Variants in PRH1 observed in about 807,000 individuals in gnomAD.
PRH1 encodes the protein salivary acidic proline-rich phosphoprotein 1/2.
In PRH1, 7 loss-of-function variants were observed where a neutral mutation model predicts 7.9. That is an observed-to-expected ratio of 0.89 (90% CI 0.50 to 1.67). The LOEUF (loss-of-function observed/expected upper bound fraction) is 1.67. Ranked by LOEUF, PRH1 falls within the 40% of genes most tolerant of loss-of-function variation. The pLI is 0.00. For synonymous variants in PRH1, 45 were observed against 80.8 expected, an observed-to-expected ratio of 0.56 and a Z score of 2.38; for missense variants, 109 against 223.6, an observed-to-expected ratio of 0.49 and a Z score of 3.27.
At chr12:11,139,323 C>G (rs1288193319) in intron 1 of PRH1, among the ~76,000 whole-genome samples, 1 of 152,132 alleles carries the variant, frequency 6.6e-6, no homozygotes, top group Admixed American at 6.5e-5. Context: ...TGCCAGCAAT[C>G]CAGATACTCC....
At chr12:11,006,533 C>T (rs776172514) in intron 1 of PRH1, among the ~76,000 whole-genome samples, 5 of 151,862 alleles carry the variant, frequency 3.3e-5, no homozygotes, top group African/African-American at 7.3e-5. Context: ...CAGGCATGCA[C>T]CACCAAGCCT....
At chr12:11,064,290 G>T (rs1943724140) in intron 1 of PRH1, among the ~76,000 whole-genome samples, 1 of 152,174 alleles carries the variant, frequency 6.6e-6, no homozygotes, top group African/African-American at 2.4e-5. Context: ...CTTCTTGTTT[G>T]TGGCTTCTTG....
Position 11,168,285 on chromosome 12 carries a change from AAAG to A in PRH1, n.39+3134_39+3136del, listed in dbSNP as rs1565725769. 6.5e-3 allele frequency among the ~76,000 whole-genome samples: 273 copies of A among 41,698 alleles called. 52 individuals carry two copies. Among genetic ancestry groups the A allele is most frequent in the African/African-American group, 9.4e-3 (110 of 11,744 alleles). The allele number at this position is 41,698 out of a possible 152,430, so 27.4% of individuals were successfully genotyped here. A position where few individuals can be genotyped will look rare whatever the true frequency, so the allele number is the denominator to read the frequency against. ...GAAAGAAAGAAAGAAAGAAAGAAAGAAAGAAAGAAAGAAAGAAGGAAGGAAGGA... is the reference window on the plus strand; with the variant it reads ...GAAAGAAAGAAAGAAAGAAAGAAAGAAAAGAAAGAAAGAAGGAAGGAAGGA... On this transcript the variant is annotated intron_variant and non_coding_transcript_variant, in intron 1 of 1. Transcript: ENST00000541175.
At position 11,012,427 on chromosome 12, in the gene PRH1, C is replaced by G. The variant is rs551869792; in HGVS notation, c.-126+34593G>C. ...AGATGATAATAATACTCTGGGTAGT[C>G]CTTATGAGGTGCTAGTATAGTATAT... On this transcript the variant is annotated intron_variant, in intron 1 of 3. Coordinates refer to the PRH1 transcript ENST00000539853. Among the ~76,000 whole-genome samples the G allele has an allele frequency of 5.3e-5, 8 of 152,118 alleles. No homozygotes were observed. The South Asian group carries it at 1.7e-3, about 31-fold the overall frequency.
At chr12:11,131,936 G>T (rs1288843538) in intron 1 of PRH1, among the ~76,000 whole-genome samples, 1 of 152,122 alleles carries the variant, frequency 6.6e-6, no homozygotes, top group African/African-American at 2.4e-5. Flanking sequence ...CTTGTGCTGG[G>T]TTCTAGGTCC....
At chr12:11,032,401 T>G (rs375249126) in intron 1 of PRH1, among the ~76,000 whole-genome samples, 13 of 152,364 alleles carry the variant, frequency 8.5e-5, no homozygotes, top group African/African-American at 2.9e-4. Flanking sequence ...ATCTCAGATT[T>G]TCTTGAGAAC....
rs751801433 is a variant in PRH1 at position 11,030,496 on chromosome 12, A to C, written c.-126+16524T>G. 1.1e-4 allele frequency: 170 copies of C among 1,614,158 alleles called. No individual in the cohort carries two copies. Among genetic ancestry groups the C allele is most frequent in the Non-Finnish European group, 1.3e-4 (155 of 1,180,050 alleles). On this transcript the variant is annotated intron_variant, in intron 1 of 3. Coordinates refer to the PRH1 transcript ENST00000539853. The stretch of plus-strand genomic sequence containing the variant: ...TCTGCTTTAGCTTCTTGTTTCCCCA[A>C]ATCAGGATGAATGGGTGGATTGAAG...
At chr12:10,918,572 AC>A (rs1950004812) in intron 2 of PRH1, among the ~76,000 whole-genome samples, 1 of 152,240 alleles carries the variant, frequency 6.6e-6, no homozygotes, top group Admixed American at 6.5e-5. Context: ...ATCTATATAA[AC>A]ATTTAAGACT....
Position 11,090,297 on chromosome 12 carries a change from T to C in PRH1, n.124-43109A>G, listed in dbSNP as rs145982706. ...AATATTTTCCACAATTTCTATACTA[T>C]ATTTACATTGATTTTATTTTTCAAA... On this transcript the variant is annotated intron_variant and non_coding_transcript_variant, in intron 1 of 4. Coordinates refer to the PRH1 transcript ENST00000541977. Among the ~76,000 whole-genome samples, 2 of 116,348 alleles carry C rather than the reference T, an allele frequency of 1.7e-5. 1 individual carries two copies. The highest frequency in any genetic ancestry group is 4.1e-5 in the Non-Finnish European group (2 of 49,090). 76.3% of individuals were successfully genotyped at this position (116,348 alleles called of 152,430 possible).
chr12:10,997,145 C>T (rs1391972546), intron 1 of PRH1: 1 of 1,613,910 alleles, frequency 6.2e-7, no homozygotes, highest in African/African-American at 1.3e-5. Context: ...TATGATTAGA[C>T]ACAGAAAGTA....
At chr12:10,945,338 CTAAG>C (rs1950469942) in intron 2 of PRH1, among the ~76,000 whole-genome samples, 1 of 152,006 alleles carries the variant, frequency 6.6e-6, no homozygotes, top group South Asian at 2.1e-4. Context: ...TCTATTTTCC[CTAAG>C]TGTCAGCCAG....
At chr12:11,008,041 A>C (rs1351828274) in intron 1 of PRH1, among the ~76,000 whole-genome samples, 1 of 152,116 alleles carries the variant, frequency 6.6e-6, no homozygotes, top group Non-Finnish European at 1.5e-5. Flanking sequence ...AAGAATCCTG[A>C]AGCCAAGGGA....
chr12:10,938,755 A>G (rs1426261096), intron 2 of PRH1: 2 of 1,613,912 alleles, frequency 1.2e-6, no homozygotes, highest in Non-Finnish European at 1.7e-6. Context: ...TGGCATTTAT[A>G]TGGATGTTTA....
intron 2 of PRH1, among the ~76,000 whole-genome samples, chr12:10,890,517 C>A (rs1247644272): frequency 6.6e-6 from 1 of 151,978 alleles, no homozygotes; most frequent in African/African-American, 2.4e-5. Flanking sequence ...AGCCAGAAGG[C>A]CCTGCTATCT....
At chr12:11,170,010 C>T (rs562852828) in intron 1 of PRH1, among the ~76,000 whole-genome samples, 78 of 152,248 alleles carry the variant, frequency 5.1e-4, no homozygotes, top group African/African-American at 1.9e-3. Flanking sequence ...ACATGCAGTG[C>T]ACGGTGCGAT....
In PRH1 at chr12:10,985,836, T is replaced by C. The variant is rs576474289; in HGVS notation, c.-125-12115A>G. 24 of 1,088,028 alleles carry C rather than the reference T, an allele frequency of 2.2e-5. No individual in the cohort carries two copies. In the African/African-American group the frequency reaches 3.0e-4, roughly 14 times the overall value. The allele number at this position is 1,088,028 out of a possible 1,614,324, so 67.4% of individuals were successfully genotyped here. A position where few individuals can be genotyped will look rare whatever the true frequency, so the allele number is the denominator to read the frequency against. ...TGCTTTCAGAAAATACTCAAAAACA[T>C]ACACTACAGAAAAAACAGTAAAAAG... On this transcript the variant is annotated intron_variant, in intron 1 of 3. Transcript: ENST00000539853.
At chr12:11,114,838 G>C (rs1000433654) in intron 1 of PRH1, among the ~76,000 whole-genome samples, 4 of 152,036 alleles carry the variant, frequency 2.6e-5, no homozygotes, top group Admixed American at 1.3e-4. Flanking sequence ...TTGAAATAAT[G>C]GGTTAGAGGG....
intron 1 of PRH1, among the ~76,000 whole-genome samples, chr12:10,995,106 C>G (rs1023046142): frequency 2.0e-5 from 3 of 152,152 alleles, no homozygotes; most frequent in Non-Finnish European, 2.9e-5. Context: ...GAAACCAGAA[C>G]AGAAATGTGC....
intron 1 of PRH1, among the ~76,000 whole-genome samples, chr12:11,014,653 G>T (rs535037740): frequency 6.6e-6 from 1 of 152,226 alleles, no homozygotes; most frequent in South Asian, 2.1e-4. Flanking sequence ...CCGAGAACAA[G>T]AATTCAATAA....
Sources: gnomAD v4.1 joint callset for allele counts (sites outside exome capture counted in the v4.1 genomes callset) on GRCh38, gnomAD v4.1.1 for gene constraint, MANE v1.5 for transcripts, NCBI Gene and HGNC (gene_info 2026-07-23, HGNC 2026-07-21) for gene names.